The following ULK4 variants were observed in gnomAD, a reference collection of about 807,000 sequenced individuals.
The protein encoded by ULK4 is inactive serine/threonine-protein kinase ULK4.
A neutral mutation model predicts 160.6 loss-of-function variants in ULK4; 133 were observed. That is an observed-to-expected ratio of 0.83 (90% confidence interval 0.72 to 0.96). The LOEUF (loss-of-function observed/expected upper bound fraction) is 0.96. Among genes scored for constraint, ULK4 ranks in the 40% least tolerant of loss-of-function variants. ULK4 has a pLI of 0.00. For synonymous variants in ULK4, 534 were observed against 539.8 expected, an observed-to-expected ratio of 0.99 and a Z score of 0.15; for missense variants, 1,580 against 1,499.5, an observed-to-expected ratio of 1.05 and a Z score of -0.89.
At chr3:41,492,451 C>T (rs140586691) in intron 32 of ULK4, among the ~76,000 whole-genome samples, 2,027 of 151,274 alleles carry the variant, frequency 0.013, 28 homozygotes, top group Non-Finnish European at 0.019. Context: ...AAGGAACAAC[C>T]GGTACCAGCC....
intron 32 of ULK4, among the ~76,000 whole-genome samples, chr3:41,504,285 T>C (rs1367609760): frequency 6.6e-6 from 1 of 152,200 alleles, no homozygotes; most frequent in East Asian, 1.9e-4. Context: ...CCACACAGGT[T>C]ATTTACTGTC....
At chr3:41,603,699 T>A (rs1457436342) in intron 31 of ULK4, among the ~76,000 whole-genome samples, 3 of 152,120 alleles carry the variant, frequency 2.0e-5, no homozygotes, top group African/African-American at 7.2e-5. Flanking sequence ...TGTACTATAG[T>A]TTATAAAATA....
chr3:41,952,118 G>A (rs887913001), intron 2 of ULK4, among the ~76,000 whole-genome samples: 1 of 151,994 alleles, frequency 6.6e-6, no homozygotes, highest in African/African-American at 2.4e-5. Context: ...TAGGACAAAA[G>A]CTTCATGACA....
intron 17 of ULK4, chr3:41,882,223 C>T: frequency 1.4e-6 from 1 of 703,014 alleles, no homozygotes; most frequent in Admixed American, 2.0e-5. Flanking sequence ...TGTCTAGGCA[C>T]TGGAGTGGAG....
At chr3:41,653,819 C>A (rs2034836385) in intron 30 of ULK4, among the ~76,000 whole-genome samples, 1 of 152,204 alleles carries the variant, frequency 6.6e-6, no homozygotes, top group African/African-American at 2.4e-5. Context: ...GTTTGCCAGT[C>A]TCTGCTTTAG....
intron 17 of ULK4, among the ~76,000 whole-genome samples, chr3:41,858,381 T>C (rs2042419566): frequency 6.6e-6 from 1 of 151,630 alleles, no homozygotes; most frequent in South Asian, 2.1e-4. Context: ...CCAACTCCTG[T>C]CCTCGAGTGA....
At chr3:41,513,665 C>T (rs780931859) in intron 32 of ULK4, among the ~76,000 whole-genome samples, 6 of 152,140 alleles carry the variant, frequency 3.9e-5, no homozygotes, top group Non-Finnish European at 7.4e-5. Context: ...ACATTCACAG[C>T]AACCTGGATA....
rs530330297 is a variant in ULK4 at position 41,670,020 on chromosome 3, T to C, written c.2979-6321A>G. ...GAGTCTTGAATAGTTGGGTAAATAC[T>C]GTTAATGTGTTCTACAATCTTCAGG... On this transcript the variant is annotated intron_variant, in intron 29 of 36. Transcript: ENST00000301831. 8.5e-5 allele frequency among the ~76,000 whole-genome samples: 13 copies of C among 152,328 alleles called. No homozygotes were observed. In the South Asian group the frequency reaches 2.1e-3, roughly 24 times the overall value.
At chr3:41,424,382 TC>T (rs1288218910) in intron 34 of ULK4, among the ~76,000 whole-genome samples, 1 of 152,040 alleles carries the variant, frequency 6.6e-6, no homozygotes, top group Admixed American at 6.6e-5. Context: ...CAAGTGGGAT[TC>T]CCCCCAGTGC....
At chr3:41,923,277 T>C (rs1699259980) in intron 5 of ULK4, among the ~76,000 whole-genome samples, 4 of 151,838 alleles carry the variant, frequency 2.6e-5, no homozygotes, top group African/African-American at 7.3e-5. Flanking sequence ...GGTGGGCAGA[T>C]CATTTGAGGT....
intron 21 of ULK4, among the ~76,000 whole-genome samples, chr3:41,783,323 G>C (rs2039910123): frequency 2.6e-5 from 4 of 151,950 alleles, no homozygotes; most frequent in Admixed American, 2.6e-4. Flanking sequence ...GACTGCTTGA[G>C]GCCAGGAGTT....
chr3:41,587,622 C>G (rs1369897075), intron 31 of ULK4, among the ~76,000 whole-genome samples: 1 of 152,072 alleles, frequency 6.6e-6, no homozygotes, highest in Non-Finnish European at 1.5e-5. Flanking sequence ...TCCCAGTAGC[C>G]TTTATCTACT....
intron 35 of ULK4, among the ~76,000 whole-genome samples, chr3:41,337,399 C>T (rs1246684010): frequency 2.0e-5 from 3 of 151,950 alleles, no homozygotes; most frequent in Non-Finnish European, 4.4e-5. Flanking sequence ...TGTGTAAGGG[C>T]GAGGCCTCCT....
chr3:41,563,111 C>G (rs2087657237), intron 32 of ULK4, among the ~76,000 whole-genome samples: 1 of 152,178 alleles, frequency 6.6e-6, no homozygotes, highest in South Asian at 2.1e-4. Context: ...TTCTCCTTCA[C>G]TTAGGAAGCT....
At chr3:41,585,033 A>T (rs2030687837) in intron 31 of ULK4, among the ~76,000 whole-genome samples, 1 of 152,234 alleles carries the variant, frequency 6.6e-6, no homozygotes. Flanking sequence ...AGAAATGGGA[A>T]GATATCCTGT....
intron 27 of ULK4, among the ~76,000 whole-genome samples, chr3:41,698,436 T>C (rs547250748): frequency 9.2e-5 from 14 of 152,280 alleles, no homozygotes; most frequent in East Asian, 7.7e-4. Flanking sequence ...TTGAAACTTT[T>C]TGAGCACCAA....
intron 19 of ULK4, among the ~76,000 whole-genome samples, chr3:41,801,925 G>A (rs2040472830): frequency 6.6e-6 from 1 of 151,400 alleles, no homozygotes; most frequent in Non-Finnish European, 1.5e-5. Context: ...ATATTCCACA[G>A]AGAGGAACAA....
At chr3:41,260,037 G>A (rs193058184) in intron 35 of ULK4, 4 of 152,238 alleles carry the variant, frequency 2.6e-5, no homozygotes, top group Admixed American at 2.6e-4. Flanking sequence ...AAAACAAGCA[G>A]GTAACTATGA....
At chr3:41,516,242 A>G (rs559025338) in intron 32 of ULK4, among the ~76,000 whole-genome samples, 12 of 152,310 alleles carry the variant, frequency 7.9e-5, no homozygotes, top group Non-Finnish European at 1.3e-4. Context: ...ATTAATTTTT[A>G]AACTCTTTGT....
Sources: gnomAD v4.1 joint callset for allele counts (sites outside exome capture counted in the v4.1 genomes callset) on GRCh38, gnomAD v4.1.1 for gene constraint, MANE v1.5 for transcripts, NCBI Gene and HGNC (gene_info 2026-07-23, HGNC 2026-07-21) for gene names.